The following ZNF821 variants were observed in gnomAD, a reference collection of about 807,000 sequenced individuals.
ZNF821 encodes zinc finger protein 821.
In ZNF821, 16 loss-of-function variants were observed where a neutral mutation model predicts 44.3. The ratio of observed to expected loss-of-function variants is 0.36; its 90% CI spans 0.24 to 0.55. ZNF821 has a LOEUF of 0.55. ZNF821 is among the 20% of genes least tolerant of loss of function. ZNF821 has a pLI of 0.86. For missense variants in ZNF821, 436 were observed against 547.6 expected (o/e 0.80, Z 2.03); for synonymous variants, 204 against 197.6 (o/e 1.03, Z -0.27).
At chr16:71,866,132 T>G (rs2034514486) in intron 4 of ZNF821, among the ~76,000 whole-genome samples, 1 of 152,116 alleles carries the variant, frequency 6.6e-6, no homozygotes, top group African/African-American at 2.4e-5. Flanking sequence ...CTGGGCCTGA[T>G]GTGAGCAAGA....
rs943853786 is a variant in ZNF821 at position 71,882,483 on chromosome 16, C to A, written c.-78+728G>T. ...CTGAAGGAAGGCCAAATAATTTGAA[C>A]CAGACAACATTTCAATATTAAAGCT... On this transcript the variant is annotated intron_variant, in intron 2 of 7. Coordinates refer to ENST00000425432, the MANE Select transcript of ZNF821 (RefSeq NM_001201552.2). Among the ~76,000 whole-genome samples the A allele has an allele frequency of 6.6e-5, 10 of 152,142 alleles. No individual in the cohort carries two copies. In the East Asian group the frequency reaches 1.9e-3, roughly 29 times the overall value.
chr16:71,866,032 G>A (rs1597140805), intron 4 of ZNF821, among the ~76,000 whole-genome samples: 1 of 152,138 alleles, frequency 6.6e-6, no homozygotes, highest in East Asian at 1.9e-4. Flanking sequence ...AAAATAAAGT[G>A]CTAGTACCTT....
upstream of ZNF821, among the ~76,000 whole-genome samples, chr16:71,887,290 T>C (rs1056575466): frequency 2.0e-5 from 3 of 150,682 alleles, no homozygotes; most frequent in Non-Finnish European, 3.0e-5. Context: ...GACCGAGTCT[T>C]GCTCTGTCGC....
upstream of ZNF821, among the ~76,000 whole-genome samples, chr16:71,886,432 A>T (rs1465310013): frequency 6.6e-6 from 1 of 152,176 alleles, no homozygotes; most frequent in African/African-American, 2.4e-5. Flanking sequence ...CTACATCTAG[A>T]AGACCTTTTA....
intron 3 of ZNF821, among the ~76,000 whole-genome samples, chr16:71,873,848 C>T (rs2035497108): frequency 6.6e-6 from 1 of 151,778 alleles, no homozygotes; most frequent in Non-Finnish European, 1.5e-5. Flanking sequence ...AAATCAGGTC[C>T]CACTATGTTG....
chr16:71,893,017 C>T (rs1229903885), intron 1 of ZNF821, among the ~76,000 whole-genome samples: 2 of 127,402 alleles, frequency 1.6e-5, no homozygotes, highest in Non-Finnish European at 3.2e-5. Flanking sequence ...AGGCATGAGC[C>T]ACCCTGCCTG....
At chr16:71,894,961 G>A (rs781526531) in exon 1 of ZNF821, 17 of 850,008 alleles carry the variant, frequency 2.0e-5, no homozygotes, top group Middle Eastern at 4.5e-4. Flanking sequence ...ACACAGACCG[G>A]AGCGATGCTG....
intron 2 of ZNF821, among the ~76,000 whole-genome samples, chr16:71,882,549 C>G (rs989891928): frequency 6.6e-6 from 1 of 152,160 alleles, no homozygotes; most frequent in Non-Finnish European, 1.5e-5. Flanking sequence ...GTATTTAAAT[C>G]AGCAATGCCC....
intron 4 of ZNF821, 115 bp downstream of exon 4, chr16:71,867,797 A>C: frequency 7.2e-7 from 1 of 1,381,982 alleles, no homozygotes; most frequent in South Asian, 1.5e-5. Context: ...GAGGATCCAC[A>C]TATCTCCTTT....
rs372415538 is a variant in ZNF821 at position 71,860,440 on chromosome 16, G to A, written c.817C>T (p.Arg273Trp). Residue 273 changes from arginine to tryptophan, a missense_variant, in exon 8 of 8, where the codon CGG becomes TGG. Physicochemically the swap from Arg to Trp is moderately radical, Grantham distance 101 (BLOSUM62 -3). This residue lies in a region of ZNF821 where 68 missense variants were observed against 57.0 expected (regional missense o/e 1.19). Transcript: ENST00000425432. The surrounding 1 kb of genome is among the most constrained non-coding windows in gnomAD (Gnocchi z 7.3). ...TTGGCCGTGCGCTCTCGTTCCAGCCGCTGCAGCCGTACTTCCAAAGGCTCA... is the reference window on the plus strand; with the variant it reads ...TTGGCCGTGCGCTCTCGTTCCAGCCACTGCAGCCGTACTTCCAAAGGCTCA... ...QNEPLEVRLQRLERERTAKKS... is the reference protein window; with the variant it reads ...QNEPLEVRLQWLERERTAKKS... The A allele has an allele frequency of 2.5e-6, 4 of 1,613,634 alleles. No homozygotes were observed. Among genetic ancestry groups the A allele is most frequent in the African/African-American group, 1.3e-5 (1 of 75,026 alleles).
At chr16:71,861,649 T>C (rs763803015) in intron 7 of ZNF821, 127 bp downstream of exon 7, 23 of 1,079,748 alleles carry the variant, frequency 2.1e-5, no homozygotes, top group Non-Finnish European at 3.0e-5. Context: ...TTCTTACTTG[T>C]ACTTCCAAGG....
chr16:71,870,555 C>T (rs1266387376), intron 3 of ZNF821, among the ~76,000 whole-genome samples: 1 of 149,958 alleles, frequency 6.7e-6, no homozygotes. Flanking sequence ...TCTTGGCTCA[C>T]TGCAGCCTCT....
intron 1 of ZNF821, among the ~76,000 whole-genome samples, chr16:71,889,939 G>C (rs1244440964): frequency 6.6e-6 from 1 of 152,062 alleles, no homozygotes; most frequent in Non-Finnish European, 1.5e-5. Flanking sequence ...CTGCACAACA[G>C]AGCGAGACCC....
intron 1 of ZNF821, chr16:71,894,698 CTTTTTT>C (rs35889170): frequency 5.6e-5 from 25 of 443,766 alleles, no homozygotes; most frequent in East Asian, 2.1e-4. Flanking sequence ...TAATTTTTAA[CTTTTTT>C]TTTTTTTTTT....
chr16:71,865,710 G>A (rs1254808807), intron 4 of ZNF821, among the ~76,000 whole-genome samples: 1 of 152,184 alleles, frequency 6.6e-6, no homozygotes, highest in African/African-American at 2.4e-5. Flanking sequence ...CTCTACTATT[G>A]TAACATGGCA....
Position 71,864,619 on chromosome 16 carries a change from G to A in ZNF821, c.312+284C>T, listed in dbSNP as rs536269413. On this transcript the variant is annotated intron_variant, in intron 5 of 7. Transcript: ENST00000425432. ...TTCAAGAGTCCACCTTGGGAAGTCAGCTTTCTACTTCAACAAAGTTTCTCT... is the reference window on the plus strand; with the variant it reads ...TTCAAGAGTCCACCTTGGGAAGTCAACTTTCTACTTCAACAAAGTTTCTCT... 2.0e-4 allele frequency: 91 copies of A among 456,886 alleles called. 1 individual carries two copies. The South Asian group carries it at 2.5e-3, about 13-fold the overall frequency. The allele number at this position is 456,886 out of a possible 1,614,324, so 28.3% of individuals were successfully genotyped here. A position where few individuals can be genotyped will look rare whatever the true frequency, so the allele number is the denominator to read the frequency against.
intron 4 of ZNF821, among the ~76,000 whole-genome samples, chr16:71,866,749 G>A (rs2034591527): frequency 6.6e-6 from 1 of 152,102 alleles, no homozygotes; most frequent in Non-Finnish European, 1.5e-5. Context: ...TTCCAGACAT[G>A]TTTGGGTTCA....
intron 7 of ZNF821, among the ~76,000 whole-genome samples, chr16:71,861,319 G>A (rs2033859353): frequency 6.6e-6 from 1 of 152,194 alleles, no homozygotes; most frequent in African/African-American, 2.4e-5. Context: ...GGCTCCTGGA[G>A]GTGGAGACCT....
chr16:71,875,461 T>C (rs1306253755), intron 3 of ZNF821, among the ~76,000 whole-genome samples: 1 of 150,730 alleles, frequency 6.6e-6, no homozygotes, highest in Non-Finnish European at 1.5e-5. Context: ...TTTTTCTTTT[T>C]TTTTTTTTTT....
Sources: gnomAD v4.1 joint callset for allele counts (sites outside exome capture counted in the v4.1 genomes callset) on GRCh38, gnomAD v4.1.1 for gene constraint, gnomAD v4.1.1 regional missense constraint, Gnocchi (gnomAD v3.1) non-coding constraint, MANE v1.5 for transcripts, NCBI Gene and HGNC (gene_info 2026-07-23, HGNC 2026-07-21) for gene names.